The following TDRP variants were observed in gnomAD, a reference collection of about 807,000 sequenced individuals.
The protein encoded by TDRP is testis development related protein.
A neutral mutation model predicts 10.5 loss-of-function variants in TDRP; 12 were observed. The observed-to-expected ratio is 1.15, with a 90% CI of 0.73 to 1.86. The LOEUF (loss-of-function observed/expected upper bound fraction) is 1.86. Ranked by LOEUF, TDRP falls within the 40% of genes most tolerant of loss-of-function variation. The pLI, the probability that TDRP is intolerant of heterozygous loss-of-function variation, is 0.00. For missense variants in TDRP, 353 were observed against 229.2 expected (o/e 1.54, Z -3.49); for synonymous variants, 139 against 95.4 (o/e 1.46, Z -2.67).
intron 1 of TDRP, among the ~76,000 whole-genome samples, chr8:504,813 T>C (rs1016844955): frequency 6.6e-6 from 1 of 152,228 alleles, no homozygotes; most frequent in Admixed American, 6.5e-5. Flanking sequence ...AATGAACTTG[T>C]GCTCTCTGCT....
intron 1 of TDRP, among the ~76,000 whole-genome samples, chr8:533,330 C>A (rs1426964922): frequency 1.3e-5 from 2 of 152,200 alleles, no homozygotes; most frequent in African/African-American, 4.8e-5. Flanking sequence ...GCTCCCACAG[C>A]CAGGCCACCC....
At chr8:540,386 G>A (rs955501318) in intron 1 of TDRP, among the ~76,000 whole-genome samples, 4 of 152,160 alleles carry the variant, frequency 2.6e-5, no homozygotes, top group African/African-American at 9.7e-5. Flanking sequence ...CTTTGTTTCT[G>A]AACACACACC....
chr8:502,657 A>ATGTGT (rs1267688334), intron 1 of TDRP, among the ~76,000 whole-genome samples: 1 of 152,082 alleles, frequency 6.6e-6, no homozygotes, highest in African/African-American at 2.4e-5. Context: ...CCACCTCAGC[A>ATGTGT]CACATCAACA....
At chr8:544,444 G>A (rs887825372) in intron 1 of TDRP, among the ~76,000 whole-genome samples, 1 of 152,094 alleles carries the variant, frequency 6.6e-6, no homozygotes, top group Non-Finnish European at 1.5e-5. Flanking sequence ...CGGCAACTCA[G>A]CCCAGGACGA....
intron 1 of TDRP, among the ~76,000 whole-genome samples, chr8:520,527 T>C (rs1281419125): frequency 1.3e-5 from 2 of 152,200 alleles, no homozygotes; most frequent in Non-Finnish European, 2.9e-5. Context: ...TATACAGTTT[T>C]CCACAGCAGC....
At chr8:535,429 A>G (rs1802319894) in intron 1 of TDRP, among the ~76,000 whole-genome samples, 1 of 152,148 alleles carries the variant, frequency 6.6e-6, no homozygotes, top group African/African-American at 2.4e-5. Flanking sequence ...GTGAAGGATC[A>G]GATAAAACGA....
chr8:492,642 T>A lies in TDRP; in HGVS notation c.315A>T (p.Glu105Asp). 1 of 1,614,030 alleles carries A rather than the reference T, an allele frequency of 6.2e-7. No individual in the cohort carries two copies. The highest frequency in any genetic ancestry group is 8.5e-7 in the Non-Finnish European group (1 of 1,179,886). ...GTTTTGGAGGCTCCCAACCTTCAAT[T>A]TCATCTGGTTTTTTAGACTGTATAT... ...KQNIQSKKPD[E>D]IEGWEPPKLA... The change falls in exon 3 of 3, where the codon GAA (glutamate) becomes GAT (aspartate). Residue 105 changes from glutamate (E) to aspartate (D), a missense_variant. Physicochemically the swap from Glu to Asp is conservative, Grantham distance 45. Transcript: ENST00000324079.
chr8:493,669 C>A (rs1238777068), intron 2 of TDRP, among the ~76,000 whole-genome samples: 1 of 152,216 alleles, frequency 6.6e-6, no homozygotes. Flanking sequence ...TTCTGAAACA[C>A]TGATGATAAA....
At chr8:508,069 T>C (rs1395113670) in intron 1 of TDRP, among the ~76,000 whole-genome samples, 1 of 152,038 alleles carries the variant, frequency 6.6e-6, no homozygotes, top group Non-Finnish European at 1.5e-5. Context: ...CAAAGAACCA[T>C]TATAAATATG....
At chr8:525,332 G>A (rs1028504777) in intron 1 of TDRP, among the ~76,000 whole-genome samples, 2 of 152,142 alleles carry the variant, frequency 1.3e-5, no homozygotes, top group Non-Finnish European at 2.9e-5. Context: ...CAATTTGAAA[G>A]AAAAGGATGT....
Position 494,581 on chromosome 8 carries a change from A to T in TDRP, c.125T>A (p.Phe42Tyr), listed in dbSNP as rs776736165. The change falls in exon 2 of 3, where the codon TTC (phenylalanine) becomes TAC (tyrosine). Residue 42 changes from phenylalanine (F) to tyrosine (Y), a missense_variant. Phe to Tyr is a conservative substitution (Grantham distance 22, BLOSUM62 3). Coordinates refer to ENST00000324079, the MANE Select transcript of TDRP (RefSeq NM_001384899.1). Reference protein sequence around the residue: ...AAQAQVQGASFRGWKEVTSLF... With the variant: ...AAQAQVQGASYRGWKEVTSLF... Reference sequence around the variant, plus strand: ...TGAAGTCACTTCTTTCCAACCTCGGAAACTTGCTCCCTGAACCTAATAAAA... The same window carrying T: ...TGAAGTCACTTCTTTCCAACCTCGGTAACTTGCTCCCTGAACCTAATAAAA... 1.9e-6 allele frequency: 3 copies of T among 1,613,918 alleles called. No individual in the cohort carries two copies. The highest frequency in any genetic ancestry group is 2.5e-6 in the Non-Finnish European group (3 of 1,179,848).
chr8:533,932 G>T (rs1802277222), intron 1 of TDRP, among the ~76,000 whole-genome samples: 1 of 151,930 alleles, frequency 6.6e-6, no homozygotes, highest in South Asian at 2.1e-4. Context: ...ACTCAAGCAT[G>T]ACAAAAATTA....
intron 1 of TDRP, among the ~76,000 whole-genome samples, chr8:504,835 C>T (rs1028376853): frequency 1.3e-5 from 2 of 152,128 alleles, no homozygotes; most frequent in African/African-American, 2.4e-5. Context: ...ATTCACATTT[C>T]GGAACCCAGA....
intron 1 of TDRP, among the ~76,000 whole-genome samples, chr8:535,295 T>TAGACAA (rs1786953194): frequency 6.6e-6 from 1 of 152,126 alleles, no homozygotes; most frequent in Non-Finnish European, 1.5e-5. Flanking sequence ...CAACCATTTC[T>TAGACAA]AGACAAAGCC....
chr8:518,456 A>T (rs1251837554), intron 1 of TDRP, among the ~76,000 whole-genome samples: 2 of 152,226 alleles, frequency 1.3e-5, no homozygotes, highest in African/African-American at 2.4e-5. Flanking sequence ...AATGGAATAA[A>T]AGTATATAAA....
At chr8:532,645 G>C (rs548878812) in intron 1 of TDRP, among the ~76,000 whole-genome samples, 14 of 152,192 alleles carry the variant, frequency 9.2e-5, no homozygotes, top group Admixed American at 6.5e-4. Flanking sequence ...TCAGCTTCAT[G>C]ACTATGCTAT....
intron 2 of TDRP, among the ~76,000 whole-genome samples, chr8:493,991 T>C (rs999965495): frequency 1.6e-5 from 2 of 124,684 alleles, no homozygotes; most frequent in African/African-American, 3.2e-5. Flanking sequence ...CTCATTTCTG[T>C]TGTTTTTTTT....
intron 1 of TDRP, among the ~76,000 whole-genome samples, chr8:507,593 G>A (rs900232112): frequency 6.6e-6 from 1 of 152,176 alleles, no homozygotes; most frequent in African/African-American, 2.4e-5. Context: ...GGTAAGAGGG[G>A]CCACACCCAA....
At position 514,779 on chromosome 8, in the gene TDRP, A is replaced by C. The variant is rs561814340; in HGVS notation, c.109-20182T>G. ...TCTATAGGGGAAGGCCCACCCGAGA[A>C]GCAACGGGAACATGTGTTGAGTGTG... On this transcript the variant is annotated intron_variant, in intron 1 of 2. Coordinates refer to ENST00000324079, the MANE Select transcript of TDRP (RefSeq NM_001384899.1). 2.6e-5 allele frequency among the ~76,000 whole-genome samples: 4 copies of C among 152,126 alleles called. No individual in the cohort carries two copies. The East Asian group carries it at 7.8e-4, about 29-fold the overall frequency.
Sources: gnomAD v4.1 joint callset for allele counts (sites outside exome capture counted in the v4.1 genomes callset) on GRCh38, gnomAD v4.1.1 for gene constraint, MANE v1.5 for transcripts, NCBI Gene and HGNC (gene_info 2026-07-23, HGNC 2026-07-21) for gene names.